The following SSBP3 variants were observed in gnomAD, a reference collection of about 807,000 sequenced individuals.
SSBP3 encodes single stranded DNA binding protein 3, also known as single-stranded DNA-binding protein 3.
Under a neutral mutation model 69.6 loss-of-function variants are expected in SSBP3, and 5 were observed. That is an observed-to-expected ratio of 0.07 (90% CI 0.04 to 0.15). The LOEUF is 0.15. Among genes scored for constraint, SSBP3 ranks in the 10% least tolerant of loss-of-function variants. The pLI is 1.00. For missense variants in SSBP3, 312 were observed against 534.0 expected (o/e 0.58, Z 4.10); for synonymous variants, 196 against 193.4 (o/e 1.01, Z -0.11).
chr1:54,409,556 G>A (rs2100848014), upstream of SSBP3, among the ~76,000 whole-genome samples: 1 of 152,140 alleles, frequency 6.6e-6, no homozygotes. Context: ...GGGCCCAGTA[G>A]GGAGATAAGG....
chr1:54,339,672 G>A (rs530506478), intron 4 of SSBP3, among the ~76,000 whole-genome samples: 3 of 152,222 alleles, frequency 2.0e-5, no homozygotes, highest in South Asian at 2.1e-4. Flanking sequence ...TAGCACTTTG[G>A]GAGGCTGAGG....
intron 4 of SSBP3, among the ~76,000 whole-genome samples, chr1:54,390,333 C>T (rs1648394107): frequency 6.6e-6 from 1 of 152,178 alleles, no homozygotes; most frequent in South Asian, 2.1e-4. Context: ...CCCATGAAGA[C>T]TGTCACTCTC....
chr1:54,243,373 G>A, intron 9 of SSBP3, 74 bp from the exon 10 acceptor site: 1 of 1,535,976 alleles, frequency 6.5e-7, no homozygotes, highest in Non-Finnish European at 9.0e-7. Context: ...GAAACAAACA[G>A]ACAAAACATA....
chr1:54,263,720 GT>G (rs2100779647), intron 5 of SSBP3, among the ~76,000 whole-genome samples: 1 of 152,338 alleles, frequency 6.6e-6, no homozygotes, highest in Non-Finnish European at 1.5e-5. Flanking sequence ...GGGGTGCCAT[GT>G]GGACCCCTCC....
chr1:54,238,735 A>AC, intron 14 of SSBP3: 2 of 316,308 alleles, frequency 6.3e-6, no homozygotes, highest in South Asian at 6.6e-5. Context: ...TGCTGGCTCC[A>AC]CCCTCAACTC....
chr1:54,401,801 A>T (rs1223377235), intron 4 of SSBP3, 60 bp downstream of exon 4: 2 of 1,436,302 alleles, frequency 1.4e-6, no homozygotes, highest in Admixed American at 3.5e-5. Context: ...TTTTCGTACT[A>T]GAGAAGTTAG....
chr1:54,237,368 T>C (rs1469710861), intron 14 of SSBP3: 2 of 152,192 alleles, frequency 1.3e-5, no homozygotes, highest in Non-Finnish European at 2.9e-5. Context: ...ATGGCGTCCA[T>C]TCAAGGAGTG....
rs1418410988 is a variant in SSBP3, at chr1:54,251,879, A to G, written c.508-19T>C. On this transcript the variant is annotated intron_variant, in intron 7 of 17. Transcript: ENST00000610401. ...CCGGAGGCTGAAAGAGATGCAAGAC[A>G]CAAGCTGAGGAGCTGCTCCGGAGCT... is the stretch of plus-strand genomic sequence containing the variant. The G allele has an allele frequency of 6.2e-7, 1 of 1,609,084 alleles. No individual in the cohort carries two copies. Among genetic ancestry groups the G allele is most frequent in the Admixed American group, 1.7e-5 (1 of 59,836 alleles).
chr1:54,273,634 T>C (rs939330800), intron 5 of SSBP3, among the ~76,000 whole-genome samples: 14 of 152,132 alleles, frequency 9.2e-5, no homozygotes, highest in Non-Finnish European at 1.6e-4. Context: ...GGCCAGGAGA[T>C]TGTGGAGGGC....
At chr1:54,246,953 A>G (rs563474241) in intron 9 of SSBP3, among the ~76,000 whole-genome samples, 2 of 152,318 alleles carry the variant, frequency 1.3e-5, no homozygotes, top group East Asian at 3.9e-4. Context: ...ATGACGGTGA[A>G]GCTGTACAAG....
chr1:54,327,133 C>T (rs1328915297), intron 4 of SSBP3, among the ~76,000 whole-genome samples: 2 of 151,780 alleles, frequency 1.3e-5, no homozygotes, highest in Non-Finnish European at 2.9e-5. Context: ...CAGTGCCACA[C>T]CCAAAAGTGA....
intron 4 of SSBP3, among the ~76,000 whole-genome samples, chr1:54,292,791 G>A (rs1645632099): frequency 6.6e-6 from 1 of 151,918 alleles, no homozygotes; most frequent in Non-Finnish European, 1.5e-5. Flanking sequence ...CTGTCTCTGG[G>A]GCAGGAAGGG....
At chr1:54,405,265 G>A (rs75123476) in intron 1 of SSBP3, among the ~76,000 whole-genome samples, 1,748 of 152,272 alleles carry the variant, frequency 0.011, 34 homozygotes, top group African/African-American at 0.039. Flanking sequence ...CCCACTGCTC[G>A]CTACGCTCTC....
intron 4 of SSBP3, among the ~76,000 whole-genome samples, chr1:54,325,738 G>A (rs760857092): frequency 1.2e-4 from 18 of 152,242 alleles, no homozygotes; most frequent in Non-Finnish European, 2.2e-4. Flanking sequence ...CAAACAGTTC[G>A]AAAAGGATTT....
chr1:54,253,189 TTTG>T (rs1358204937), intron 7 of SSBP3, among the ~76,000 whole-genome samples: 2 of 143,304 alleles, frequency 1.4e-5, no homozygotes, highest in Non-Finnish European at 1.5e-5. Flanking sequence ...TTTTTTAGTT[TTTG>T]TTTTTTTTTT....
At chr1:54,356,092 T>C (rs1049358399) in intron 4 of SSBP3, among the ~76,000 whole-genome samples, 2 of 152,200 alleles carry the variant, frequency 1.3e-5, no homozygotes, top group Non-Finnish European at 1.5e-5. Flanking sequence ...TCAGGTCACC[T>C]ACCAGATTAG....
At chr1:54,384,363 G>A (rs573505208) in intron 4 of SSBP3, among the ~76,000 whole-genome samples, 1 of 152,334 alleles carries the variant, frequency 6.6e-6, no homozygotes, top group South Asian at 2.1e-4. Flanking sequence ...TAAGACTTCA[G>A]GGAACCATTC....
At chr1:54,396,205 A>C (rs898741707) in intron 4 of SSBP3, among the ~76,000 whole-genome samples, 1 of 149,772 alleles carries the variant, frequency 6.7e-6, no homozygotes, top group Non-Finnish European at 1.5e-5. Context: ...AAAAAAAAAA[A>C]AAAAAAAAAA....
rs1404568040 is a variant in SSBP3, at chr1:54,316,685, T to TA, written c.277-35159dup. ...TAAAATAAATAAATAAATAAATAAA[T>TA]AAATAAATAAATAAATAAATAAATA... On this transcript the variant is annotated intron_variant, in intron 4 of 17. Transcript: ENST00000610401. Among the ~76,000 whole-genome samples, 5 of 121,512 alleles carry TA rather than the reference T, an allele frequency of 4.1e-5. 1 individual carries two copies. Among genetic ancestry groups the TA allele is most frequent in the Admixed American group, 3.0e-4 (4 of 13,150 alleles). The allele number at this position is 121,512 out of a possible 152,430, so 79.7% of individuals were successfully genotyped here.
Sources: allele counts gnomAD v4.1 joint callset (sites outside exome capture counted in the v4.1 genomes callset), GRCh38; gene constraint gnomAD v4.1.1; transcripts MANE v1.5; gene names NCBI Gene and HGNC (gene_info 2026-07-23, HGNC 2026-07-21).